GDAP1L1: variants seen among roughly 807,000 people sequenced by gnomAD.
GDAP1L1 encodes the protein ganglioside induced differentiation associated protein 1 like 1, also known as ganglioside-induced differentiation-associated protein 1-like 1.
GDAP1L1 carries 21 observed loss-of-function variants against 37.1 expected under a neutral mutation model. The ratio of observed to expected loss-of-function variants is 0.57; its 90% CI spans 0.40 to 0.81. GDAP1L1 has a LOEUF of 0.81. GDAP1L1 is among the 40% of genes least tolerant of loss of function. The pLI is 0.00. For synonymous variants in GDAP1L1, 193 were observed against 209.1 expected (o/e 0.92, Z 0.67); for missense variants, 362 against 491.6 (o/e 0.74, Z 2.49).
chr20:44,260,000 G>T (rs184010520), intron 3 of GDAP1L1, among the ~76,000 whole-genome samples: 2 of 152,116 alleles, frequency 1.3e-5, no homozygotes, highest in South Asian at 2.1e-4. Context: ...TCAGGAGGGC[G>T]GCCTGGTACT....
chr20:44,272,459 G>C (rs1364988022), intron 5 of GDAP1L1, among the ~76,000 whole-genome samples: 6 of 152,192 alleles, frequency 3.9e-5, no homozygotes, highest in Non-Finnish European at 8.8e-5. Context: ...TGTCTCCACA[G>C]GGAGCAGGAA....
At chr20:44,263,075 C>T (rs376024118) in intron 3 of GDAP1L1, among the ~76,000 whole-genome samples, 155 bp from the exon 4 acceptor site, 4 of 152,158 alleles carry the variant, frequency 2.6e-5, no homozygotes, top group East Asian at 1.9e-4. Flanking sequence ...TCCATCACTA[C>T]GGCACAGCCT....
intron 1 of GDAP1L1, among the ~76,000 whole-genome samples, chr20:44,255,638 G>A (rs1020280970): frequency 1.0e-4 from 15 of 149,216 alleles, no homozygotes; most frequent in South Asian, 2.1e-4. Flanking sequence ...AAACAACACC[G>A]TTCAGGTTCT....
chr20:44,247,229 G>T, upstream of GDAP1L1: 1 of 1,093,652 alleles, frequency 9.1e-7, no homozygotes, highest in Non-Finnish European at 1.4e-6. Flanking sequence ...ACGGAGCGGG[G>T]AGGGAGGGAG....
At chr20:44,263,187 C>G (rs374292753) in intron 3 of GDAP1L1, 43 bp from the exon 4 acceptor site, 1 of 1,514,142 alleles carries the variant, frequency 6.6e-7, no homozygotes, top group East Asian at 2.3e-5. Context: ...GGGGGAGCAA[C>G]CAAGGTATCA....
intron 1 of GDAP1L1, among the ~76,000 whole-genome samples, chr20:44,250,901 C>T (rs1282949748): frequency 6.6e-6 from 1 of 152,114 alleles, no homozygotes. Context: ...TGACCTGACC[C>T]TCTCTGGTCC....
Position 44,279,181 on chromosome 20 carries a change from A to G in GDAP1L1, c.985A>G (p.Asn329Asp). 1 of 1,614,076 alleles carries G rather than the reference A, an allele frequency of 6.2e-7. No homozygotes were observed. The highest frequency in any genetic ancestry group is 8.5e-7 in the Non-Finnish European group (1 of 1,179,978). ...CACCCTGCTGTCGGCCGTCATCCCC[A>G]ATGCTTTCCGGCTGGTCAAGAGGAA... ...HTTLLSAVIPNAFRLVKRKPP... is the reference protein window; with the variant it reads ...HTTLLSAVIPDAFRLVKRKPP... The change falls in exon 6 of 6, where the codon AAT becomes GAT. Residue 329 changes from asparagine (N) to aspartate (D), a missense_variant. By Grantham distance (23) the Asn-to-Asp change is conservative (BLOSUM62 1). Coordinates refer to ENST00000342560, the MANE Select transcript of GDAP1L1 (RefSeq NM_024034.6).
Position 44,279,772 on chromosome 20 carries a change from T to C in GDAP1L1, c.*472T>C, listed in dbSNP as rs1261016876. 2.1e-6 allele frequency: 1 copy of C among 471,848 alleles called. No homozygotes were observed. Among genetic ancestry groups the C allele is most frequent in the East Asian group, 6.9e-5 (1 of 14,404 alleles). The allele number at this position is 471,848 out of a possible 1,614,324, so 29.2% of individuals were successfully genotyped here. ...ATCAAGACTCAACTCCTCTAACCGG[T>C]ACCTCTGAATGGGGCTGGATAACCG... On this transcript the variant is annotated 3_prime_UTR_variant, in exon 6 of 6. Coordinates refer to ENST00000342560, the MANE Select transcript of GDAP1L1 (RefSeq NM_024034.6).
chr20:44,267,748 C>T lies in GDAP1L1; in HGVS notation c.760+3189C>T, dbSNP rs949617418. On this transcript the variant is annotated intron_variant, in intron 5 of 5. Coordinates refer to ENST00000342560, the MANE Select transcript of GDAP1L1 (RefSeq NM_024034.6). ...CACACAGTACAGAAGTGTTCATATA[C>T]ATTGTGATCCAGAGAGACCCAGGGT... Among the ~76,000 whole-genome samples the T allele has an allele frequency of 5.9e-5, 9 of 152,222 alleles. 1 individual carries two copies.
intron 1 of GDAP1L1, among the ~76,000 whole-genome samples, chr20:44,249,548 G>A (rs2073399446): frequency 6.6e-6 from 1 of 152,192 alleles, no homozygotes; most frequent in Non-Finnish European, 1.5e-5. Flanking sequence ...CAGCGGCTGG[G>A]ACCAGACAGG....
rs140951194 is a variant in GDAP1L1 at position 44,260,384 on chromosome 20, G to C, written c.547+1777G>C. Among the ~76,000 whole-genome samples the C allele has an allele frequency of 1.5e-3, 228 of 152,034 alleles. 1 individual carries two copies. The highest frequency in any genetic ancestry group is 4.9e-3 in the African/African-American group (201 of 41,438). ...GCACTGCAAGGAGTATTTCTGGAAG[G>C]ATACACAGAAGCTGCCAATAGTTTG... On this transcript the variant is annotated intron_variant, in intron 3 of 5. Transcript: ENST00000342560.
chr20:44,247,637 C>T, intron 1 of GDAP1L1, 123 bp downstream of exon 1: 1 of 933,876 alleles, frequency 1.1e-6, no homozygotes, highest in South Asian at 1.8e-5. Flanking sequence ...TTGGGGGTCC[C>T]GGAGGTCGGG....
At chr20:44,268,525 G>C (rs926198879) in intron 5 of GDAP1L1, among the ~76,000 whole-genome samples, 10 of 152,026 alleles carry the variant, frequency 6.6e-5, no homozygotes, top group African/African-American at 2.4e-4. Context: ...GTCTTACAGA[G>C]GAAAAAGACA....
rs1341187338 is a variant in GDAP1L1 at position 44,276,440 on chromosome 20, GAAA to G, written c.761-2516_761-2514del. Among the ~76,000 whole-genome samples the G allele has an allele frequency of 5.0e-5, 7 of 138,996 alleles. No homozygotes were observed. In the East Asian group the frequency reaches 2.0e-3, roughly 39 times the overall value. 91.2% of individuals were successfully genotyped at this position (138,996 alleles called of 152,430 possible). On this transcript the variant is annotated intron_variant, in intron 5 of 5. Coordinates refer to ENST00000342560, the MANE Select transcript of GDAP1L1 (RefSeq NM_024034.6). ...AGAAAGAAAGAAAGAAAGAAAGAAA[GAAA>G]GAAAGAAAGAAAGAAAGAAAGAAAA... is the stretch of plus-strand genomic sequence containing the variant.
intron 3 of GDAP1L1, among the ~76,000 whole-genome samples, chr20:44,261,628 AC>A (rs2073675791): frequency 6.6e-6 from 1 of 152,190 alleles, no homozygotes; most frequent in South Asian, 2.1e-4. Context: ...CTACGTTAGC[AC>A]CAAAATCTCC....
At chr20:44,273,292 C>G (rs975560579) in intron 5 of GDAP1L1, among the ~76,000 whole-genome samples, 1 of 152,200 alleles carries the variant, frequency 6.6e-6, no homozygotes, top group African/African-American at 2.4e-5. Context: ...GGTTCGCCTC[C>G]TATCTCTTGG....
intron 2 of GDAP1L1, among the ~76,000 whole-genome samples, 177 bp downstream of exon 2, chr20:44,257,522 C>T (rs1332455273): frequency 6.6e-6 from 1 of 152,060 alleles, no homozygotes; most frequent in South Asian, 2.1e-4. Flanking sequence ...CAGATGCCCC[C>T]AGAGCCCCAG....
intron 5 of GDAP1L1, among the ~76,000 whole-genome samples, chr20:44,267,427 T>G (rs1053142205): frequency 1.3e-5 from 2 of 152,054 alleles, no homozygotes; most frequent in East Asian, 3.9e-4. Flanking sequence ...CTGGCCAACA[T>G]GGTGAAACCC....
intron 5 of GDAP1L1, among the ~76,000 whole-genome samples, chr20:44,276,326 C>T (rs2062572967): frequency 7.6e-6 from 1 of 130,804 alleles, no homozygotes; most frequent in Non-Finnish European, 1.6e-5. Context: ...CAGAGCGAGA[C>T]TTTGTCAAAA....
Sources: gnomAD v4.1 joint callset for allele counts (sites outside exome capture counted in the v4.1 genomes callset) on GRCh38, gnomAD v4.1.1 for gene constraint, MANE v1.5 for transcripts, NCBI Gene and HGNC (gene_info 2026-07-23, HGNC 2026-07-21) for gene names.